CAMK2D: variants seen among roughly 807,000 people sequenced by gnomAD.
The protein encoded by CAMK2D is calcium/calmodulin-dependent protein kinase type II subunit delta.
A neutral mutation model predicts 84.0 loss-of-function variants in CAMK2D; 37 were observed. That is an observed-to-expected ratio of 0.44 (90% CI 0.34 to 0.58). The LOEUF (loss-of-function observed/expected upper bound fraction) is 0.58, where lower values mean the gene tolerates loss of function less well. Among genes scored for constraint, CAMK2D ranks in the 20% least tolerant of loss-of-function variants. The pLI, the probability that CAMK2D is intolerant of heterozygous loss-of-function variation, is 0.02. For synonymous variants in CAMK2D, 202 were observed against 212.5 expected (o/e 0.95, Z 0.43); for missense variants, 448 against 652.5 (o/e 0.69, Z 3.41).
chr4:113,710,606 A>T (rs946225122), intron 2 of CAMK2D, among the ~76,000 whole-genome samples: 5 of 152,190 alleles, frequency 3.3e-5, no homozygotes, highest in Admixed American at 2.0e-4. Flanking sequence ...TAGCAAAGCA[A>T]TGTCTGTATT....
At chr4:113,637,279 A>G (rs1441484176) in intron 3 of CAMK2D, among the ~76,000 whole-genome samples, 1 of 152,226 alleles carries the variant, frequency 6.6e-6, no homozygotes, top group Non-Finnish European at 1.5e-5. Context: ...GGATGAATAA[A>G]TGTATGAGGA....
intron 4 of CAMK2D, among the ~76,000 whole-genome samples, chr4:113,567,910 A>C (rs945774267): frequency 6.6e-6 from 1 of 152,244 alleles, no homozygotes; most frequent in Non-Finnish European, 1.5e-5. Flanking sequence ...TCCTTGGTTA[A>C]TATACTGCAA....
intron 2 of CAMK2D, among the ~76,000 whole-genome samples, chr4:113,663,114 C>T (rs1053735208): frequency 6.6e-6 from 1 of 152,060 alleles, no homozygotes; most frequent in Non-Finnish European, 1.5e-5. Context: ...TAAAATTATA[C>T]CTACTTCAAA....
intron 16 of CAMK2D, among the ~76,000 whole-genome samples, chr4:113,476,249 A>G (rs960646119): frequency 2.6e-5 from 4 of 152,204 alleles, no homozygotes; most frequent in Non-Finnish European, 5.9e-5. Context: ...AAGGCACAGC[A>G]TTGTAAATCT....
At chr4:113,670,010 G>A (rs1214064798) in intron 2 of CAMK2D, among the ~76,000 whole-genome samples, 1 of 152,208 alleles carries the variant, frequency 6.6e-6, no homozygotes, top group African/African-American at 2.4e-5. Context: ...GCTGGGTGTG[G>A]TGGCTCACGT....
chr4:113,496,327 G>C (rs1462848852), intron 16 of CAMK2D, among the ~76,000 whole-genome samples: 1 of 151,710 alleles, frequency 6.6e-6, no homozygotes, highest in African/African-American at 2.4e-5. Flanking sequence ...CTAAAGAATT[G>C]TATATTTTGA....
At chr4:113,696,977 A>G (rs1325264631) in intron 2 of CAMK2D, among the ~76,000 whole-genome samples, 2 of 152,146 alleles carry the variant, frequency 1.3e-5, no homozygotes, top group Admixed American at 6.6e-5. Flanking sequence ...AAGCAGCATA[A>G]TAAGAACTAA....
At chr4:113,517,464 TA>T (rs1323964583) in intron 9 of CAMK2D, 98 bp downstream of exon 9, 2 of 543,782 alleles carry the variant, frequency 3.7e-6, no homozygotes, top group Non-Finnish European at 6.7e-6. Flanking sequence ...GAGAAAGTGG[TA>T]AAAATTATGG....
chr4:113,569,173 G>A (rs2154219568), intron 4 of CAMK2D, among the ~76,000 whole-genome samples: 1 of 152,244 alleles, frequency 6.6e-6, no homozygotes, highest in South Asian at 2.1e-4. Context: ...CTGAGCCACT[G>A]TGCCTAGCCC....
At chr4:113,494,684 G>A (rs1022832901) in intron 16 of CAMK2D, among the ~76,000 whole-genome samples, 169 of 152,302 alleles carry the variant, frequency 1.1e-3, no homozygotes, top group Admixed American at 3.7e-3. Context: ...CGAGCTTCCC[G>A]GCTGCTTTGT....
chr4:113,456,922 G>T, intron 19 of CAMK2D: 1 of 169,538 alleles, frequency 5.9e-6, no homozygotes. Flanking sequence ...CTGAGCTTTA[G>T]GGGATCATCT....
chr4:113,639,479 T>A (rs1437873501), intron 3 of CAMK2D, among the ~76,000 whole-genome samples: 2 of 152,058 alleles, frequency 1.3e-5, no homozygotes, highest in African/African-American at 4.8e-5. Context: ...CTAGCCTGCA[T>A]AGGGCCACTG....
In CAMK2D at chr4:113,696,928, G is replaced by C. The variant is rs537127352; in HGVS notation, c.161-35156C>G. On this transcript the variant is annotated intron_variant, in intron 2 of 20. Coordinates refer to ENST00000511664, the MANE Select transcript of CAMK2D (RefSeq NM_001321571.2). ...GAAAGATGGTCCCATTAGGAGTACA[G>C]AGAAGGTAATGCATATGAACGTTTT... Among the ~76,000 whole-genome samples, 9 of 152,048 alleles carry C rather than the reference G, an allele frequency of 5.9e-5. No homozygotes were observed. In the East Asian group the frequency reaches 1.2e-3, roughly 20 times the overall value.
At chr4:113,752,940 T>C (rs1046350745) in intron 2 of CAMK2D, among the ~76,000 whole-genome samples, 2 of 152,116 alleles carry the variant, frequency 1.3e-5, no homozygotes, top group Non-Finnish European at 2.9e-5. Context: ...ATGTAAGGCA[T>C]AGTGCTTTGT....
intron 2 of CAMK2D, chr4:113,754,850 G>A: frequency 1.0e-6 from 1 of 984,180 alleles, no homozygotes; most frequent in Non-Finnish European, 1.2e-6. Flanking sequence ...TGCCACTTCT[G>A]GGTCCATAAC....
At chr4:113,458,379 T>G (rs150967844) in intron 18 of CAMK2D, among the ~76,000 whole-genome samples, 130 of 152,298 alleles carry the variant, frequency 8.5e-4, no homozygotes, top group African/African-American at 2.9e-3. Context: ...CTAGAAAAGG[T>G]TGAATTGTTT....
At chr4:113,732,186 C>T (rs374402166) in intron 2 of CAMK2D, among the ~76,000 whole-genome samples, 6 of 151,658 alleles carry the variant, frequency 4.0e-5, no homozygotes, top group African/African-American at 7.3e-5. Flanking sequence ...TTCAGTGGTG[C>T]GATCATAGCT....
intron 8 of CAMK2D, among the ~76,000 whole-genome samples, chr4:113,529,244 C>T (rs2098442376): frequency 6.6e-6 from 1 of 152,026 alleles, no homozygotes; most frequent in African/African-American, 2.4e-5. Context: ...TCTGAAAGCC[C>T]AAGATTCAAT....
intron 3 of CAMK2D, among the ~76,000 whole-genome samples, chr4:113,624,489 T>C (rs2099059511): frequency 6.6e-6 from 1 of 152,174 alleles, no homozygotes; most frequent in African/African-American, 2.4e-5. Flanking sequence ...GCAGGAACGG[T>C]GGGCATATTC....
Sources: allele counts gnomAD v4.1 joint callset (sites outside exome capture counted in the v4.1 genomes callset), GRCh38; gene constraint gnomAD v4.1.1; transcripts MANE v1.5; gene names NCBI Gene and HGNC (gene_info 2026-07-23, HGNC 2026-07-21).